TPTE2: variants seen among roughly 807,000 people sequenced by gnomAD.
The protein encoded by TPTE2 is transmembrane phosphoinositide 3-phosphatase and tensin homolog 2.
A neutral mutation model predicts 78.6 loss-of-function variants in TPTE2; 53 were observed. The observed-to-expected ratio is 0.67, with a 90% CI of 0.54 to 0.85. The LOEUF (loss-of-function observed/expected upper bound fraction) is 0.85, where lower values mean the gene tolerates loss of function less well. Among genes scored for constraint, TPTE2 ranks in the 40% least tolerant of loss-of-function variants. TPTE2 has a pLI of 0.00. For synonymous variants in TPTE2, 175 were observed against 206.2 expected, an observed-to-expected ratio of 0.85 and a Z score of 1.30; for missense variants, 461 against 623.0, an observed-to-expected ratio of 0.74 and a Z score of 2.77.
intron 17 of TPTE2, among the ~76,000 whole-genome samples, chr13:19,429,730 A>AG: frequency 6.6e-6 from 1 of 152,186 alleles, no homozygotes; most frequent in South Asian, 2.1e-4. Context: ...GGTTAGTAAT[A>AG]GGAGAATTTG....
At chr13:19,527,974 A>G (rs1390118309) in intron 1 of TPTE2, among the ~76,000 whole-genome samples, 1 of 152,208 alleles carries the variant, frequency 6.6e-6, no homozygotes, top group African/African-American at 2.4e-5. Context: ...TGATGTTTCC[A>G]AGGCACTGGG....
At chr13:19,492,806 T>G (rs149765489) in intron 3 of TPTE2, 44 bp downstream of exon 6, 12 of 1,611,042 alleles carry the variant, frequency 7.4e-6, no homozygotes, top group South Asian at 1.1e-5. Context: ...TACAGCTCTA[T>G]GCACTCTTAT....
chr13:19,439,941 A>T, intron 13 of TPTE2, among the ~76,000 whole-genome samples: 1 of 152,204 alleles, frequency 6.6e-6, no homozygotes, highest in Non-Finnish European at 1.5e-5. Context: ...AGAAAGTCAG[A>T]AATATGAGAT....
At chr13:19,523,931 T>C (rs1300959956) in intron 1 of TPTE2, among the ~76,000 whole-genome samples, 1 of 152,158 alleles carries the variant, frequency 6.6e-6, no homozygotes, top group Non-Finnish European at 1.5e-5. Context: ...AACCTAGAGC[T>C]TTGTTAGTTA....
At position 19,530,167 on chromosome 13, in the gene TPTE2, G is replaced by T. The variant is rs571137287; in HGVS notation, c.-44+6429C>A. Among the ~76,000 whole-genome samples the T allele has an allele frequency of 1.7e-4, 26 of 152,298 alleles. 1 individual carries two copies. In the East Asian group the frequency reaches 5.0e-3, roughly 29 times the overall value. On this transcript the variant is annotated intron_variant, in intron 1 of 17. Transcript: ENST00000390680. ...CACTATTGGAGTCTGCTGATCTAGG[G>T]TTTAAGTGCTGGCTGCACCACTTAG... is the stretch of plus-strand genomic sequence containing the variant.
intron 1 of TPTE2, among the ~76,000 whole-genome samples, chr13:19,527,930 C>T (rs1444525664): frequency 1.3e-5 from 2 of 152,202 alleles, no homozygotes; most frequent in African/African-American, 2.4e-5. Context: ...CAGGGGCTGG[C>T]GCCTTGAGGA....
chr13:19,439,017 G>A (rs559803235), intron 13 of TPTE2, among the ~76,000 whole-genome samples: 1 of 152,254 alleles, frequency 6.6e-6, no homozygotes, highest in East Asian at 1.9e-4. Context: ...GAGACTTTGT[G>A]GGGGAAAGAC....
intron 10 of TPTE2, among the ~76,000 whole-genome samples, chr13:19,451,597 T>C (rs923313603): frequency 2.0e-5 from 3 of 152,202 alleles, no homozygotes; most frequent in African/African-American, 4.8e-5. Context: ...TAATTCTGAA[T>C]AGATACATCT....
At chr13:19,548,462 C>A in the TPTE2 span, among the ~76,000 whole-genome samples, 1 of 152,026 alleles carries the variant, frequency 6.6e-6, no homozygotes, top group Non-Finnish European at 1.5e-5. Flanking sequence ...ACTTATCTCA[C>A]TGTTCTTCTT....
intron 1 of TPTE2, among the ~76,000 whole-genome samples, chr13:19,514,915 C>A (rs928118744): frequency 2.0e-5 from 3 of 151,916 alleles, no homozygotes; most frequent in African/African-American, 7.3e-5. Context: ...CCTGGCTTGG[C>A]TAATTTAATC....
At chr13:19,561,173 T>C in the TPTE2 span, 22,479 of 1,573,382 alleles carry the variant, frequency 0.014, 214 homozygotes, top group Non-Finnish European at 0.016. Flanking sequence ...CTCGGGTCTC[T>C]GTCTCCGAGG....
At chr13:19,514,293 T>C (rs1869646631) in intron 1 of TPTE2, among the ~76,000 whole-genome samples, 2 of 152,200 alleles carry the variant, frequency 1.3e-5, no homozygotes. Flanking sequence ...TTACCAAAGA[T>C]GCTTAAAGTC....
At chr13:19,518,331 A>G (rs1477238350) in intron 1 of TPTE2, among the ~76,000 whole-genome samples, 2 of 152,220 alleles carry the variant, frequency 1.3e-5, no homozygotes, top group Non-Finnish European at 2.9e-5. Context: ...CTGAAACATC[A>G]CATTGTACCT....
At chr13:19,516,140 G>A (rs1307303390) in intron 1 of TPTE2, among the ~76,000 whole-genome samples, 1 of 152,206 alleles carries the variant, frequency 6.6e-6, no homozygotes, top group African/African-American at 2.4e-5. Context: ...GTAGATAGGA[G>A]CAACCACAGA....
At chr13:19,463,964 G>T (rs1277020114) in intron 10 of TPTE2, among the ~76,000 whole-genome samples, 1 of 152,174 alleles carries the variant, frequency 6.6e-6, no homozygotes, top group African/African-American at 2.4e-5. Flanking sequence ...CCTTAGAAGT[G>T]CATGCAGCAT....
intron 1 of TPTE2, among the ~76,000 whole-genome samples, chr13:19,497,368 C>T (rs1271610961): frequency 9.9e-5 from 13 of 131,550 alleles, no homozygotes; most frequent in South Asian, 6.2e-4. Flanking sequence ...AACAAAAAGA[C>T]AGCAGTAACC....
upstream of TPTE2, among the ~76,000 whole-genome samples, chr13:19,504,947 T>A (rs1398392870): frequency 6.6e-6 from 1 of 152,142 alleles, no homozygotes; most frequent in Non-Finnish European, 1.5e-5. Context: ...ACATATTTTA[T>A]AATTCACATT....
chr13:19,546,568 C>T, the TPTE2 span, among the ~76,000 whole-genome samples: 1 of 133,728 alleles, frequency 7.5e-6, no homozygotes, highest in Non-Finnish European at 1.5e-5. Flanking sequence ...CAGCTCACTG[C>T]AACCTCTGCC....
At chr13:19,438,800 T>C (rs1254772655) in intron 13 of TPTE2, among the ~76,000 whole-genome samples, 1 of 152,226 alleles carries the variant, frequency 6.6e-6, no homozygotes, top group Non-Finnish European at 1.5e-5. Flanking sequence ...CTCGGAATTA[T>C]GAAGGACATC....
Sources: allele counts gnomAD v4.1 joint callset (sites outside exome capture counted in the v4.1 genomes callset), GRCh38; gene constraint gnomAD v4.1.1; transcripts MANE v1.5; gene names NCBI Gene and HGNC (gene_info 2026-07-23, HGNC 2026-07-21).